Variants in LRRTM3 observed in about 807,000 individuals in gnomAD.
The protein encoded by LRRTM3 is leucine-rich repeat transmembrane neuronal protein 3.
In LRRTM3, 24 loss-of-function variants were observed where a neutral mutation model predicts 44.7. That is an observed-to-expected ratio of 0.54 (90% CI 0.39 to 0.76). The LOEUF is 0.76. LRRTM3 is among the 30% of genes least tolerant of loss of function. The probability of loss-of-function intolerance (pLI) is 0.00; values close to 1 mark genes in which losing one functional copy is unlikely to be tolerated. For missense variants in LRRTM3, 587 were observed against 702.2 expected (o/e 0.84, Z 1.85); for synonymous variants, 277 against 278.7 (o/e 0.99, Z 0.06).
Position 66,944,624 on chromosome 10 carries a change from A to G in LRRTM3, c.1536+16172A>G, listed in dbSNP as rs111316919. ...AGATCCATCAAAGGAATTATTATCC[A>G]AGGCAGCATGAGACTTATAAAAGGT... On this transcript the variant is annotated intron_variant, in intron 2 of 2. Transcript: ENST00000361320. Among the ~76,000 whole-genome samples, 1,305 of 152,284 alleles carry G rather than the reference A, an allele frequency of 8.6e-3. 13 individuals carry two copies. The highest frequency in any genetic ancestry group is 0.024 in the Middle Eastern group (7 of 294).
chr10:67,018,855 A>G (rs1852816685), intron 2 of LRRTM3, among the ~76,000 whole-genome samples: 2 of 152,248 alleles, frequency 1.3e-5, no homozygotes, highest in African/African-American at 2.4e-5. Context: ...CATTCAGTGT[A>G]TAAGAGACGC....
intron 2 of LRRTM3, among the ~76,000 whole-genome samples, chr10:67,050,378 T>C (rs374352261): frequency 2.6e-5 from 4 of 152,314 alleles, no homozygotes; most frequent in Admixed American, 1.3e-4. Context: ...AATATATCTT[T>C]AGCTAAGGTG....
chr10:67,061,910 T>C (rs1855777440), intron 2 of LRRTM3, among the ~76,000 whole-genome samples: 1 of 151,894 alleles, frequency 6.6e-6, no homozygotes, highest in Admixed American at 6.6e-5. Flanking sequence ...ATAGAATTGG[T>C]GCAAAGTATT....
intron 2 of LRRTM3, among the ~76,000 whole-genome samples, chr10:66,935,915 G>C (rs1365728723): frequency 6.6e-6 from 1 of 151,752 alleles, no homozygotes; most frequent in East Asian, 1.9e-4. Flanking sequence ...CCCACAAAAG[G>C]CTTCTCAAAG....
intron 2 of LRRTM3, among the ~76,000 whole-genome samples, chr10:67,052,234 C>T (rs1012938304): frequency 3.3e-5 from 5 of 152,084 alleles, no homozygotes; most frequent in African/African-American, 9.7e-5. Flanking sequence ...AAAATTCTGA[C>T]TGCAAAGCAC....
intron 2 of LRRTM3, among the ~76,000 whole-genome samples, chr10:67,061,068 T>C (rs901119004): frequency 1.3e-5 from 2 of 152,106 alleles, no homozygotes; most frequent in African/African-American, 4.8e-5. Flanking sequence ...TAAAAATTCA[T>C]TAATTCTATT....
chr10:66,997,308 C>G (rs764533640), intron 2 of LRRTM3, among the ~76,000 whole-genome samples: 2 of 152,130 alleles, frequency 1.3e-5, no homozygotes, highest in Non-Finnish European at 2.9e-5. Flanking sequence ...GTGACTGATA[C>G]AATCTGAGCA....
intron 2 of LRRTM3, among the ~76,000 whole-genome samples, chr10:67,073,087 C>T (rs1856554106): frequency 6.6e-6 from 1 of 152,174 alleles, no homozygotes; most frequent in Admixed American, 6.5e-5. Flanking sequence ...AGCAAATGCC[C>T]TCAGGGAAAT....
At chr10:67,015,951 T>G (rs1375389319) in intron 2 of LRRTM3, among the ~76,000 whole-genome samples, 1 of 152,300 alleles carries the variant, frequency 6.6e-6, no homozygotes, top group East Asian at 1.9e-4. Context: ...TCTATTTTAT[T>G]TCTGTCATTT....
chr10:67,052,926 G>A (rs1420614426), intron 2 of LRRTM3, among the ~76,000 whole-genome samples: 5 of 152,086 alleles, frequency 3.3e-5, no homozygotes, highest in Admixed American at 3.3e-4. Flanking sequence ...GTACTCATTT[G>A]GCTCACCTAA....
In LRRTM3 at chr10:67,053,267, C is replaced by T. The variant is rs117585138; in HGVS notation, c.1537-44320C>T. Among the ~76,000 whole-genome samples, 408 of 152,206 alleles carry T rather than the reference C, an allele frequency of 2.7e-3. 15 individuals are homozygous for T. The East Asian group carries it at 0.062, about 23-fold the overall frequency. The stretch of plus-strand genomic sequence containing the variant: ...ACTAGGATGCAGTGTTTTCCAAATA[C>T]GCTAATCTTAGAACACTATACAAAT... On this transcript the variant is annotated intron_variant, in intron 2 of 2. Coordinates refer to ENST00000361320, the MANE Select transcript of LRRTM3 (RefSeq NM_178011.5).
At chr10:66,997,098 G>C (rs1851397720) in intron 2 of LRRTM3, among the ~76,000 whole-genome samples, 1 of 152,148 alleles carries the variant, frequency 6.6e-6, no homozygotes, top group Non-Finnish European at 1.5e-5. Context: ...GTGATGGCAA[G>C]AATAAGAGCA....
intron 2 of LRRTM3, among the ~76,000 whole-genome samples, chr10:67,044,067 T>G (rs1424004155): frequency 1.3e-5 from 2 of 151,958 alleles, no homozygotes; most frequent in East Asian, 3.9e-4. Flanking sequence ...TAGTACCAAA[T>G]AGGTAGTTTT....
At chr10:67,085,616 G>T (rs561927678) in intron 2 of LRRTM3, among the ~76,000 whole-genome samples, 5 of 151,844 alleles carry the variant, frequency 3.3e-5, no homozygotes, top group Non-Finnish European at 5.9e-5. Flanking sequence ...TAAAGTTTAT[G>T]TTTGTGTCAT....
chr10:66,985,492 C>T (rs948113503), intron 2 of LRRTM3, among the ~76,000 whole-genome samples: 6 of 152,096 alleles, frequency 3.9e-5, no homozygotes, highest in Non-Finnish European at 7.4e-5. Context: ...GTATACCCAG[C>T]CCTCCTCCTC....
chr10:67,094,977 G>T (rs1042029330), intron 2 of LRRTM3, among the ~76,000 whole-genome samples: 1 of 151,276 alleles, frequency 6.6e-6, no homozygotes, highest in African/African-American at 2.4e-5. Flanking sequence ...TGATTTAAAT[G>T]ATTTTGAAAC....
At chr10:66,965,565 G>T (rs1465789533) in intron 2 of LRRTM3, among the ~76,000 whole-genome samples, 1 of 134,710 alleles carries the variant, frequency 7.4e-6, no homozygotes, top group African/African-American at 2.7e-5. Flanking sequence ...AAAAAAAGCT[G>T]TTTTTTTTTT....
intron 2 of LRRTM3, among the ~76,000 whole-genome samples, chr10:67,049,994 A>T (rs1157319101): frequency 6.6e-6 from 1 of 152,228 alleles, no homozygotes; most frequent in East Asian, 1.9e-4. Flanking sequence ...GTATTATTTA[A>T]TGCAGTATCC....
At chr10:67,030,417 G>C (rs1853641471) in intron 2 of LRRTM3, among the ~76,000 whole-genome samples, 1 of 151,870 alleles carries the variant, frequency 6.6e-6, no homozygotes, top group African/African-American at 2.4e-5. Context: ...AAAAATTTAG[G>C]CCCTGTTGTG....
Sources: allele counts gnomAD v4.1 joint callset (sites outside exome capture counted in the v4.1 genomes callset), GRCh38; gene constraint gnomAD v4.1.1; transcripts MANE v1.5; gene names NCBI Gene and HGNC (gene_info 2026-07-23, HGNC 2026-07-21).